GPLD1: variants seen among roughly 807,000 people sequenced by gnomAD.
GPLD1 encodes phosphatidylinositol-glycan-specific phospholipase D.
A neutral mutation model predicts 112.6 loss-of-function variants in GPLD1; 84 were observed. That is an observed-to-expected ratio of 0.75 (90% CI 0.63 to 0.89). GPLD1 has a LOEUF of 0.89. Among genes scored for constraint, GPLD1 ranks in the 40% least tolerant of loss-of-function variants. The pLI, the probability that GPLD1 is intolerant of heterozygous loss-of-function variation, is 0.00. For missense variants in GPLD1, 1,044 were observed against 1,051.5 expected, an observed-to-expected ratio of 0.99 and a Z score of 0.10; for synonymous variants, 386 against 403.8, an observed-to-expected ratio of 0.96 and a Z score of 0.53.
chr6:24,430,444 T>TG (rs1290520126), intron 24 of GPLD1, among the ~76,000 whole-genome samples: 1 of 152,156 alleles, frequency 6.6e-6, no homozygotes, highest in East Asian at 1.9e-4. Context: ...TACAAGCACC[T>TG]GGGGCTGGGA....
Position 24,429,063 on chromosome 6 carries a change from G to T in GPLD1, c.2492C>A (p.Ala831Glu). The T allele has an allele frequency of 6.2e-7, 1 of 1,613,518 alleles. No homozygotes were observed. The highest frequency in any genetic ancestry group is 8.5e-7 in the Non-Finnish European group (1 of 1,179,532). The change falls in exon 25 of 25, where the codon GCA becomes GAA. Residue 831 changes from alanine to glutamate, a missense_variant. Physicochemically the swap from Ala to Glu is moderately radical, Grantham distance 107 (BLOSUM62 -1). Transcript: ENST00000230036. ...TGAGCCAAGGCTATAGACGTGAAGT[G>T]CCCCGGAGAGTCGGGCTCCCAAAGA... ...RSSLGARLSG[A>E]LHVYSLGSD
intron 14 of GPLD1, among the ~76,000 whole-genome samples, chr6:24,452,347 G>A (rs1052098487): frequency 3.9e-5 from 6 of 152,190 alleles, no homozygotes; most frequent in African/African-American, 1.4e-4. Flanking sequence ...GTGTCAGAAG[G>A]CCCTGAAAAA....
At chr6:24,435,978 C>T (rs1471688194) in intron 22 of GPLD1, 1 of 147,782 alleles carries the variant, frequency 6.8e-6, no homozygotes, top group African/African-American at 2.6e-5. Flanking sequence ...AGTGGCTGGC[C>T]GAGCATGGTG....
chr6:24,486,098 T>C lies in GPLD1; in HGVS notation c.130A>G (p.Asn44Asp). 3.8e-6 allele frequency: 6 copies of C among 1,598,128 alleles called. No individual in the cohort carries two copies. The highest frequency in any genetic ancestry group is 5.1e-6 in the Non-Finnish European group (6 of 1,166,986). Residue 44 changes from asparagine (N) to aspartate (D), a missense_variant, in exon 2 of 25, where the codon AAT becomes GAT. Physicochemically the swap from Asn to Asp is conservative, Grantham distance 23. Transcript: ENST00000230036. ...HRALEFLQLH[N>D]GRVNYRELLL... ...ACCTCTCTGTAGTTAACACGCCCAT[T>C]GTGAAGCTGAAGAAACTCCAGAGCT...
downstream of GPLD1, chr6:24,424,909 GGAA>G (rs976784217): frequency 1.3e-5 from 2 of 152,150 alleles, no homozygotes; most frequent in Non-Finnish European, 1.5e-5. Flanking sequence ...TCGCTGATTT[GGAA>G]GAAAACCGAT....
At position 24,462,798 on chromosome 6, in the gene GPLD1, G is replaced by A. The variant is rs369640132; in HGVS notation, c.822-3C>T. ...GGTTCTCAGGCAGGTTGCAGTCACT[G>A]AGGAAACAGTCAAATGAGTTAGCCA... On this transcript the variant is annotated splice_polypyrimidine_tract_variant and splice_region_variant and intron_variant, in intron 10 of 24. Transcript: ENST00000230036. 4.5e-5 allele frequency: 73 copies of A among 1,606,506 alleles called. No homozygotes were observed. Among genetic ancestry groups the A allele is most frequent in the Non-Finnish European group, 6.0e-5 (70 of 1,173,168 alleles).
chr6:24,449,160 A>T (rs1405189665), intron 15 of GPLD1, among the ~76,000 whole-genome samples: 1 of 152,050 alleles, frequency 6.6e-6, no homozygotes, highest in Admixed American at 6.6e-5. Flanking sequence ...CAAAGGTCGC[A>T]AAGTGAGACA....
At chr6:24,443,241 T>C (rs528107135) in intron 20 of GPLD1, among the ~76,000 whole-genome samples, 5 of 152,164 alleles carry the variant, frequency 3.3e-5, no homozygotes, top group African/African-American at 1.2e-4. Context: ...AGAAGAGAGC[T>C]CCCGGCTTCT....
At chr6:24,473,770 A>ACTG in intron 5 of GPLD1, 103 bp from the exon 6 acceptor site, 1 of 660,232 alleles carries the variant, frequency 1.5e-6, no homozygotes, top group South Asian at 1.9e-5. Flanking sequence ...AACTCAATGA[A>ACTG]CTGCTGAGGA....
At chr6:24,477,737 T>C (rs923135680) in intron 3 of GPLD1, among the ~76,000 whole-genome samples, 1 of 137,588 alleles carries the variant, frequency 7.3e-6, no homozygotes, top group African/African-American at 2.8e-5. Flanking sequence ...CTCTAAAAAA[T>C]GTAAAAATAA....
upstream of GPLD1, chr6:24,489,741 G>T (rs913587008): frequency 5.7e-5 from 34 of 592,160 alleles, no homozygotes; most frequent in Middle Eastern, 4.7e-4. Flanking sequence ...GGGGGGTGGG[G>T]TTGGGAGGAT....
rs574969946 is a variant in GPLD1 at position 24,447,918 on chromosome 6, A to G, written c.1637T>C (p.Ile546Thr). The change falls in exon 17 of 25, where the codon ATT becomes ACT. Residue 546 changes from isoleucine to threonine, a missense_variant. Coordinates refer to ENST00000230036, the MANE Select transcript of GPLD1 (RefSeq NM_001503.4). ...FAPGGGKQKG[I>T]VAAFYSGPSL... is the part of the protein sequence containing the mutation. ...GGGGCCAGAATAAAACGCAGCCACA[A>G]TTCCCTTCTGCTTCCCTCCACCTGG... is the stretch of plus-strand genomic sequence containing the variant. 39 of 1,613,984 alleles carry G rather than the reference A, an allele frequency of 2.4e-5. No homozygotes were observed. The highest frequency in any genetic ancestry group is 3.1e-5 in the Non-Finnish European group (37 of 1,180,026).
In GPLD1 at chr6:24,454,663, C is replaced by G. The variant is rs1763208774; in HGVS notation, c.1149-462G>C. Among the ~76,000 whole-genome samples, 4 of 152,228 alleles carry G rather than the reference C, an allele frequency of 2.6e-5. No homozygotes were observed. The South Asian group carries it at 8.3e-4, about 31-fold the overall frequency. On this transcript the variant is annotated intron_variant, in intron 13 of 24. Coordinates refer to ENST00000230036, the MANE Select transcript of GPLD1 (RefSeq NM_001503.4). The stretch of plus-strand genomic sequence containing the variant: ...GTTTTTACCACAGCCACAAAGGCAC[C>G]TGGCAGTGGGCCAAATCAAGAGTCC...
rs111770510 is a variant in GPLD1 at position 24,486,573 on chromosome 6, T to C, written c.98-443A>G. Among the ~76,000 whole-genome samples the C allele has an allele frequency of 9.4e-3, 1,438 of 152,204 alleles. 26 individuals are homozygous for C. The highest frequency in any genetic ancestry group is 0.032 in the African/African-American group (1,321 of 41,526). On this transcript the variant is annotated intron_variant, in intron 1 of 24. Coordinates refer to ENST00000230036, the MANE Select transcript of GPLD1 (RefSeq NM_001503.4). Reference sequence around the variant, plus strand: ...GGCTCACACCTGTAATCCAAGAACTTTGGGAGGCCGAGGAGGGCGGATCAC... The same window carrying C: ...GGCTCACACCTGTAATCCAAGAACTCTGGGAGGCCGAGGAGGGCGGATCAC...
At chr6:24,481,250 T>C (rs999773027) in intron 2 of GPLD1, among the ~76,000 whole-genome samples, 3 of 152,180 alleles carry the variant, frequency 2.0e-5, no homozygotes, top group African/African-American at 7.2e-5. Flanking sequence ...TATTAATCCT[T>C]TCCTTGCCTA....
rs1418121055 is a variant in GPLD1, at chr6:24,432,272, G to A, written c.2436+915C>T. Reference sequence around the variant, plus strand: ...TAAAAAAAAAAAAAAAAAAAAAGGTGTGTGTGTGTATCTCTGAAGCCATAG... The same window carrying A: ...TAAAAAAAAAAAAAAAAAAAAAGGTATGTGTGTGTATCTCTGAAGCCATAG... On this transcript the variant is annotated intron_variant, in intron 24 of 24. Transcript: ENST00000230036. Among the ~76,000 whole-genome samples, 7 of 143,626 alleles carry A rather than the reference G, an allele frequency of 4.9e-5. No homozygotes were observed. In the East Asian group the frequency reaches 1.4e-3, roughly 29 times the overall value. 94.2% of individuals were successfully genotyped at this position (143,626 alleles called of 152,430 possible).
chr6:24,490,635 C>G (rs1196935740), upstream of GPLD1, among the ~76,000 whole-genome samples: 1 of 151,858 alleles, frequency 6.6e-6, no homozygotes, highest in African/African-American at 2.4e-5. Flanking sequence ...GACTGTAGTC[C>G]CAGCTACTGG....
At chr6:24,483,411 G>A (rs1764266879) in intron 2 of GPLD1, among the ~76,000 whole-genome samples, 1 of 151,818 alleles carries the variant, frequency 6.6e-6, no homozygotes, top group South Asian at 2.1e-4. Context: ...AGGTGCAGTG[G>A]CTCACCCCTA....
chr6:24,444,805 C>T (rs995202534), intron 20 of GPLD1, among the ~76,000 whole-genome samples: 4 of 152,056 alleles, frequency 2.6e-5, no homozygotes, highest in Admixed American at 1.3e-4. Context: ...GCCATAATCA[C>T]ACCGCTGCAC....
Sources: allele counts gnomAD v4.1 joint callset (sites outside exome capture counted in the v4.1 genomes callset), GRCh38; gene constraint gnomAD v4.1.1; transcripts MANE v1.5; gene names NCBI Gene and HGNC (gene_info 2026-07-23, HGNC 2026-07-21).